Variants in HDAC8 observed in about 807,000 individuals in gnomAD.
HDAC8 encodes the protein histone deacetylase 8.
Under a neutral mutation model 32.2 loss-of-function variants are expected in HDAC8, and 1 was observed. The observed-to-expected ratio is 0.03, with a 90% CI of 0.01 to 0.15. The LOEUF (loss-of-function observed/expected upper bound fraction) is 0.15, where lower values mean the gene tolerates loss of function less well. HDAC8 is among the 10% of genes least tolerant of loss of function. The pLI is 1.00. For synonymous variants in HDAC8, 108 were observed against 113.9 expected (o/e 0.95, Z 0.33); for missense variants, 117 against 300.0 (o/e 0.39, Z 4.51).
chrX:72,476,307 A>C (rs1400899989), intron 7 of HDAC8, among the ~76,000 whole-genome samples: 6 of 110,306 alleles, frequency 5.4e-5, no homozygotes, highest in African/African-American at 2.0e-4. Flanking sequence ...CAGAGTGTAC[A>C]TTATCTGGGC....
At chrX:72,412,647 C>T (rs1443369551) in intron 9 of HDAC8, among the ~76,000 whole-genome samples, 1 of 111,428 alleles carries the variant, frequency 9.0e-6, no homozygotes, top group Non-Finnish European at 1.9e-5. Context: ...AAGAAATGAG[C>T]CATAAATTTA....
At position 72,516,499 on chromosome X, in the gene HDAC8, C is replaced by G. The variant is rs782075376; in HGVS notation, c.438-21231G>C. Among the ~76,000 whole-genome samples the G allele has an allele frequency of 3.6e-5, 4 of 111,057 alleles. No homozygotes were observed. The East Asian group carries it at 1.1e-3, about 31-fold the overall frequency. Reference sequence around the variant, plus strand: ...AATACAGCATTCCCTTTCTTAAGGGCTTCTGAAAATTCCATCTTTCTCTGT... The same window carrying G: ...AATACAGCATTCCCTTTCTTAAGGGGTTCTGAAAATTCCATCTTTCTCTGT... On this transcript the variant is annotated intron_variant, in intron 4 of 10. Transcript: ENST00000373573.
chrX:72,536,556 C>G (rs1008423348), intron 4 of HDAC8, among the ~76,000 whole-genome samples: 7 of 112,587 alleles, frequency 6.2e-5, no homozygotes, highest in African/African-American at 2.3e-4. Context: ...TCGTGCACAT[C>G]TGCTTCTCTC....
chrX:72,429,496 C>T (rs1222511457), intron 9 of HDAC8, among the ~76,000 whole-genome samples: 1 of 112,011 alleles, frequency 8.9e-6, no homozygotes, highest in Non-Finnish European at 1.9e-5. Context: ...GGCTAGGCAG[C>T]GATGCTATCT....
At chrX:72,458,138 T>C (rs1416427435) in intron 9 of HDAC8, among the ~76,000 whole-genome samples, 5 of 112,346 alleles carry the variant, frequency 4.5e-5, no homozygotes, top group Non-Finnish European at 9.4e-5. Flanking sequence ...CTTTTCATGG[T>C]ACCATGACAC....
chrX:72,475,472 C>G (rs958086220), intron 7 of HDAC8, among the ~76,000 whole-genome samples: 5 of 111,819 alleles, frequency 4.5e-5, no homozygotes. Flanking sequence ...TAAATTCTCT[C>G]AATCCTATCT....
intron 4 of HDAC8, 37 bp from the exon 5 acceptor site, chrX:72,495,305 A>G: frequency 1.0e-6 from 1 of 957,087 alleles, no homozygotes; most frequent in Admixed American, 2.3e-5. Flanking sequence ...AACAGCCAAA[A>G]AGCAATCCAA....
At chrX:72,386,077 G>A (rs782754824) in intron 9 of HDAC8, among the ~76,000 whole-genome samples, 2 of 112,221 alleles carry the variant, frequency 1.8e-5, no homozygotes, top group Non-Finnish European at 3.8e-5. Context: ...TGTCCATAAA[G>A]ATGTGGATGG....
chrX:72,357,177 G>A (rs2044394654), intron 9 of HDAC8, among the ~76,000 whole-genome samples: 1 of 108,564 alleles, frequency 9.2e-6, no homozygotes, highest in Non-Finnish European at 1.9e-5. Flanking sequence ...TGTGTGGGAG[G>A]AGCATGAACG....
chrX:72,504,347 G>A (rs1556017785), intron 4 of HDAC8, among the ~76,000 whole-genome samples: 6 of 111,644 alleles, frequency 5.4e-5, no homozygotes. Context: ...CCGCCTTCCA[G>A]CCTCTGACAA....
intron 7 of HDAC8, among the ~76,000 whole-genome samples, chrX:72,472,072 A>AT (rs782362925): frequency 8.8e-4 from 83 of 94,331 alleles, no homozygotes; most frequent in Middle Eastern, 0.011. Flanking sequence ...TATTTTATTT[A>AT]TTTTTTTTTT....
chrX:72,377,382 C>T (rs2045114012), intron 9 of HDAC8, among the ~76,000 whole-genome samples: 1 of 112,263 alleles, frequency 8.9e-6, no homozygotes, highest in Non-Finnish European at 1.9e-5. Context: ...AAATGTTCCA[C>T]GTGCACTTGA....
chrX:72,372,822 G>T (rs782717812), intron 9 of HDAC8, among the ~76,000 whole-genome samples: 1 of 111,596 alleles, frequency 9.0e-6, no homozygotes, highest in South Asian at 3.8e-4. Context: ...TGTATTAAAT[G>T]AAATAAAGTT....
chrX:72,530,443 C>CG (rs781854841), intron 4 of HDAC8, among the ~76,000 whole-genome samples: 99 of 95,352 alleles, frequency 1.0e-3, no homozygotes, highest in African/African-American at 3.8e-3. Flanking sequence ...CTATTTTATG[C>CG]GTTTTTTTTT....
chrX:72,399,625 C>T (rs2045853327), intron 9 of HDAC8, among the ~76,000 whole-genome samples: 1 of 111,940 alleles, frequency 8.9e-6, no homozygotes, highest in Non-Finnish European at 1.9e-5. Flanking sequence ...CATAGCTTCA[C>T]TTTGTTGCCT....
intron 9 of HDAC8, among the ~76,000 whole-genome samples, chrX:72,368,044 G>A (rs1251010754): frequency 8.8e-6 from 1 of 113,266 alleles, no homozygotes; most frequent in Non-Finnish European, 1.9e-5. Flanking sequence ...TGGCACAAAA[G>A]CGGGGCAGGG....
intron 9 of HDAC8, among the ~76,000 whole-genome samples, chrX:72,358,809 C>T (rs1325372882): frequency 1.8e-5 from 2 of 111,642 alleles, no homozygotes; most frequent in Non-Finnish European, 3.8e-5. Context: ...ATGAAACTGT[C>T]CCACCTCAGA....
intron 4 of HDAC8, among the ~76,000 whole-genome samples, chrX:72,524,926 T>C (rs2050092352): frequency 8.9e-6 from 1 of 111,798 alleles, no homozygotes; most frequent in African/African-American, 3.3e-5. Context: ...CCCAACCTTT[T>C]TGGCCTCAAG....
At chrX:72,543,976 G>A (rs1195988221) in intron 4 of HDAC8, among the ~76,000 whole-genome samples, 2 of 112,513 alleles carry the variant, frequency 1.8e-5, no homozygotes, top group East Asian at 2.8e-4. Context: ...CGTTCTACAC[G>A]TGCATCTGCC....
Sources: allele counts gnomAD v4.1 joint callset (sites outside exome capture counted in the v4.1 genomes callset), GRCh38; gene constraint gnomAD v4.1.1; transcripts MANE v1.5; gene names NCBI Gene and HGNC (gene_info 2026-07-23, HGNC 2026-07-21).